MSH3: variants seen among roughly 807,000 people sequenced by gnomAD.
MSH3 encodes DNA mismatch repair protein Msh3.
MSH3 carries 106 observed loss-of-function variants against 123.3 expected under a neutral mutation model. The observed-to-expected ratio is 0.86, with a 90% CI of 0.73 to 1.01. The LOEUF is 1.01. Ranked by LOEUF, MSH3 falls within the 50% of genes least tolerant of loss-of-function variation. MSH3 has a pLI of 0.00. For missense variants in MSH3, 1,459 were observed against 1,347.6 expected, an observed-to-expected ratio of 1.08 and a Z score of -1.29; for synonymous variants, 515 against 481.4, an observed-to-expected ratio of 1.07 and a Z score of -0.91.
intron 8 of MSH3, among the ~76,000 whole-genome samples, chr5:80,702,338 C>G (rs1176558766): frequency 6.6e-6 from 1 of 152,066 alleles, no homozygotes; most frequent in Non-Finnish European, 1.5e-5. Flanking sequence ...CTGGGTTGTC[C>G]CCAACCTTAA....
intron 12 of MSH3, among the ~76,000 whole-genome samples, chr5:80,751,975 T>C (rs1384321350): frequency 6.6e-6 from 1 of 152,082 alleles, no homozygotes; most frequent in African/African-American, 2.4e-5. Context: ...AAATAACCAT[T>C]GAATTTTGTA....
chr5:80,675,708 A>G (rs747944113), intron 7 of MSH3, among the ~76,000 whole-genome samples: 90 of 152,314 alleles, frequency 5.9e-4, no homozygotes, highest in Non-Finnish European at 1.1e-3. Context: ...ACTCTATGCT[A>G]TGGAGAGATC....
chr5:80,722,737 C>T (rs552188924), intron 8 of MSH3, among the ~76,000 whole-genome samples: 1 of 152,240 alleles, frequency 6.6e-6, no homozygotes, highest in South Asian at 2.1e-4. Context: ...GAAGAATATA[C>T]CAGCTTTGAT....
intron 15 of MSH3, 144 bp from the exon 16 acceptor site, chr5:80,775,550 C>T (rs1744282786): frequency 1.6e-6 from 1 of 613,434 alleles, no homozygotes; most frequent in South Asian, 2.0e-5. Context: ...TCTGTATTGA[C>T]ATATATACAG....
Position 80,868,687 on chromosome 5 carries a change from G to A in MSH3, c.3130+3745G>A, listed in dbSNP as rs369396687. Among the ~76,000 whole-genome samples the A allele has an allele frequency of 1.1e-4, 16 of 147,746 alleles. 1 individual carries two copies. Among genetic ancestry groups the A allele is most frequent in the Non-Finnish European group, 2.2e-4 (15 of 67,240 alleles). ...TGGATACAAGGCTTAATACCTGGGC[G>A]ATTAAATAATCAGTACAGCAAACCT... On this transcript the variant is annotated intron_variant, in intron 22 of 23. Transcript: ENST00000265081.
At chr5:80,790,445 G>A (rs1215109795) in intron 18 of MSH3, among the ~76,000 whole-genome samples, 1 of 152,104 alleles carries the variant, frequency 6.6e-6, no homozygotes, top group Non-Finnish European at 1.5e-5. Context: ...ATAAATGTAA[G>A]ATGCATTTTG....
At chr5:80,791,273 C>T (rs1005728879) in intron 18 of MSH3, among the ~76,000 whole-genome samples, 1 of 151,944 alleles carries the variant, frequency 6.6e-6, no homozygotes, top group African/African-American at 2.4e-5. Context: ...AAATATTTTG[C>T]AATTATGGAG....
At chr5:80,785,106 C>T (rs1030430814) in intron 17 of MSH3, among the ~76,000 whole-genome samples, 3 of 152,158 alleles carry the variant, frequency 2.0e-5, no homozygotes, top group Non-Finnish European at 4.4e-5. Flanking sequence ...AGCTAGGAAG[C>T]ACTGTAGAAA....
chr5:80,708,919 C>T (rs990909899), intron 8 of MSH3, among the ~76,000 whole-genome samples: 3 of 151,852 alleles, frequency 2.0e-5, no homozygotes, highest in Non-Finnish European at 2.9e-5. Context: ...GGATTACAGG[C>T]GCCCACTACC....
intron 10 of MSH3, among the ~76,000 whole-genome samples, chr5:80,729,212 G>A (rs1455304893): frequency 2.0e-5 from 3 of 151,780 alleles, no homozygotes; most frequent in East Asian, 1.9e-4. Context: ...TCAGGAGATC[G>A]AGACCATCCT....
chr5:80,866,188 G>T (rs1408151042), intron 22 of MSH3, among the ~76,000 whole-genome samples: 1 of 152,128 alleles, frequency 6.6e-6, no homozygotes, highest in Non-Finnish European at 1.5e-5. Flanking sequence ...ATCCAGGCTG[G>T]AGTGCAGTGG....
intron 19 of MSH3, 48 bp downstream of exon 19, chr5:80,792,892 T>C: frequency 8.4e-7 from 1 of 1,184,892 alleles, no homozygotes; most frequent in Non-Finnish European, 1.3e-6. Context: ...ATCCCAAACT[T>C]TTACATACCA....
chr5:80,847,578 C>G (rs1451675877), intron 20 of MSH3, among the ~76,000 whole-genome samples: 1 of 152,088 alleles, frequency 6.6e-6, no homozygotes, highest in Non-Finnish European at 1.5e-5. Context: ...GTCTGATTCT[C>G]ATCCCTTGCT....
intron 12 of MSH3, among the ~76,000 whole-genome samples, chr5:80,760,584 G>A (rs1446780619): frequency 3.9e-5 from 6 of 152,188 alleles, no homozygotes; most frequent in African/African-American, 4.8e-5. Context: ...CCACTAGGTC[G>A]TCTTGTTGGT....
chr5:80,757,632 A>G (rs2112877374), intron 12 of MSH3, among the ~76,000 whole-genome samples: 1 of 152,266 alleles, frequency 6.6e-6, no homozygotes, highest in African/African-American at 2.4e-5. Flanking sequence ...GCCTTCTTTC[A>G]GTTAATTTAA....
At chr5:80,658,723 C>T (rs931871861) in intron 2 of MSH3, among the ~76,000 whole-genome samples, 3 of 152,116 alleles carry the variant, frequency 2.0e-5, no homozygotes, top group Non-Finnish European at 4.4e-5. Context: ...TTCCTAGTAG[C>T]AAGGACCACA....
At chr5:80,766,220 T>A (rs1744118510) in intron 13 of MSH3, among the ~76,000 whole-genome samples, 1 of 152,130 alleles carries the variant, frequency 6.6e-6, no homozygotes. Flanking sequence ...TCCGTTTTCC[T>A]TAAGGACAGT....
chr5:80,688,769 G>A (rs1750155868), intron 8 of MSH3, among the ~76,000 whole-genome samples: 1 of 150,902 alleles, frequency 6.6e-6, no homozygotes, highest in South Asian at 2.1e-4. Context: ...AAGAATGAGA[G>A]TAAAAGAAAC....
intron 11 of MSH3, among the ~76,000 whole-genome samples, chr5:80,742,280 G>A (rs780076354): frequency 2.0e-5 from 3 of 152,178 alleles, no homozygotes; most frequent in Non-Finnish European, 4.4e-5. Context: ...AAAATCCTAG[G>A]ATTACAGGCG....
Sources: gnomAD v4.1 joint callset for allele counts (sites outside exome capture counted in the v4.1 genomes callset) on GRCh38, gnomAD v4.1.1 for gene constraint, MANE v1.5 for transcripts, NCBI Gene and HGNC (gene_info 2026-07-23, HGNC 2026-07-21) for gene names.